Variants in UBFD1 observed in about 807,000 individuals in gnomAD.
UBFD1 encodes the protein ubiquitin family domain containing 1.
Under a neutral mutation model 35.1 loss-of-function variants are expected in UBFD1, and 12 were observed. The observed-to-expected ratio is 0.34, with a 90% CI of 0.22 to 0.55. The LOEUF is 0.55. UBFD1 is among the 20% of genes least tolerant of loss of function. UBFD1 has a pLI of 0.89. For synonymous variants in UBFD1, 178 were observed against 167.6 expected, an observed-to-expected ratio of 1.06 and a Z score of -0.48; for missense variants, 337 against 410.8, an observed-to-expected ratio of 0.82 and a Z score of 1.55.
At position 23,571,288 on chromosome 16, in the gene UBFD1, C is replaced by T. The variant is rs1316987975; in HGVS notation, c.*698C>T. 1 of 152,708 alleles carries T rather than the reference C, an allele frequency of 6.5e-6. No individual in the cohort carries two copies. The highest frequency in any genetic ancestry group is 1.5e-5 in the Non-Finnish European group (1 of 68,080). 9.5% of individuals were successfully genotyped at this position (152,708 alleles called of 1,614,324 possible). On this transcript the variant is annotated 3_prime_UTR_variant, in exon 7 of 7. Transcript: ENST00000395878. ...GCACGGTGGGAGAGGAAGAGCTGCT[C>T]AGTCTTGGGCAAGGAGCTCTCACAC...
chr16:23,572,845 A>AAAG lies in UBFD1; in HGVS notation c.*2255_*2256insAAG, dbSNP rs1966104417. 6.6e-6 allele frequency: 1 copy of AAAG among 152,294 alleles called. No individual in the cohort carries two copies. Among genetic ancestry groups the AAAG allele is most frequent in the Admixed American group, 6.5e-5 (1 of 15,272 alleles). The allele number at this position is 152,294 out of a possible 1,614,324, so 9.4% of individuals were successfully genotyped here. ...TACGGAGCTGTTTGAGTATTGCTTT[A>AAAG]CAGAGCTCACTAAATCAGCTTCAAC... On this transcript the variant is annotated 3_prime_UTR_variant, in exon 7 of 7. Transcript: ENST00000395878.
At chr16:23,561,464 C>T (rs1965932750) in intron 3 of UBFD1, among the ~76,000 whole-genome samples, 1 of 152,208 alleles carries the variant, frequency 6.6e-6, no homozygotes, top group Non-Finnish European at 1.5e-5. Context: ...TTAAGGGGCC[C>T]TGAACTTAGA....
In UBFD1 at chr16:23,573,749, C is replaced by T. The variant is rs1966117858; in HGVS notation, c.*3159C>T. The T allele has an allele frequency of 6.6e-6, 1 of 152,650 alleles. No homozygotes were observed. The highest frequency in any genetic ancestry group is 2.4e-5 in the African/African-American group (1 of 41,446). 9.5% of individuals were successfully genotyped at this position (152,650 alleles called of 1,614,324 possible). On this transcript the variant is annotated 3_prime_UTR_variant, in exon 7 of 7. Coordinates refer to ENST00000395878, the MANE Select transcript of UBFD1 (RefSeq NM_019116.3). ...TCACCCAGAAGGGGCTTGTTTTCCT[C>T]TTACTCTTACTTTAACCATGTGCCT... is the stretch of plus-strand genomic sequence containing the variant.
intron 6 of UBFD1, chr16:23,569,488 G>A (rs1391956759): frequency 6.6e-6 from 1 of 152,122 alleles, no homozygotes; most frequent in Non-Finnish European, 1.5e-5. Flanking sequence ...GTGGGAGGCG[G>A]AGGTTGCAGT....
intron 6 of UBFD1, among the ~76,000 whole-genome samples, chr16:23,568,157 CTTTTT>C (rs34119136): frequency 2.6e-5 from 3 of 114,618 alleles, no homozygotes; most frequent in South Asian, 3.1e-4. Flanking sequence ...TCTCTGTAGT[CTTTTT>C]TTTTTTTTTT....
rs1253823203 is a variant in UBFD1, at chr16:23,567,066, G to A, written c.816G>A (p.Met272Ile). ...EPIEGHEDYHMMAFQLGPTEA... is the reference protein window; with the variant it reads ...EPIEGHEDYHIMAFQLGPTEA... ...TCGAAGGACATGAAGACTACCACAT[G>A]ATGGTAAGTAGCGCTGGCTGAGTTC... is the stretch of plus-strand genomic sequence containing the variant. The change falls in exon 6 of 7, where the codon ATG (methionine) becomes ATA (isoleucine). Residue 272 changes from methionine (M) to isoleucine (I), a missense_variant. By Grantham distance (10) the Met-to-Ile change is conservative. This residue lies in a region of UBFD1 where 71 missense variants were observed against 149.6 expected (regional missense o/e 0.47). Coordinates refer to ENST00000395878, the MANE Select transcript of UBFD1 (RefSeq NM_019116.3). 1.2e-6 allele frequency: 2 copies of A among 1,613,944 alleles called. No individual in the cohort carries two copies. The highest frequency in any genetic ancestry group is 1.7e-6 in the Non-Finnish European group (2 of 1,180,000).
intron 5 of UBFD1, among the ~76,000 whole-genome samples, chr16:23,563,444 G>A (rs751552269): frequency 2.0e-5 from 3 of 151,814 alleles, no homozygotes; most frequent in Non-Finnish European, 4.4e-5. Context: ...CCTTCCCCCA[G>A]ATGGTTACAA....
At chr16:23,560,701 G>A (rs1410867081) in intron 3 of UBFD1, among the ~76,000 whole-genome samples, 1 of 152,130 alleles carries the variant, frequency 6.6e-6, no homozygotes, top group Non-Finnish European at 1.5e-5. Context: ...CCACAGAGAA[G>A]ATTGTTATGT....
At chr16:23,568,396 G>A (rs1003629315) in intron 6 of UBFD1, among the ~76,000 whole-genome samples, 18 of 151,318 alleles carry the variant, frequency 1.2e-4, no homozygotes, top group African/African-American at 3.4e-4. Flanking sequence ...TTGACCTGGC[G>A]ATCCGCCCAC....
At chr16:23,563,078 A>ATT (rs545287840) in intron 5 of UBFD1, among the ~76,000 whole-genome samples, 4 of 139,440 alleles carry the variant, frequency 2.9e-5, no homozygotes, top group African/African-American at 5.2e-5. Flanking sequence ...CACTAATCTG[A>ATT]TTTTTTTTTT....
intron 5 of UBFD1, among the ~76,000 whole-genome samples, chr16:23,563,339 C>G (rs1242462414): frequency 2.0e-5 from 3 of 152,088 alleles, no homozygotes; most frequent in Non-Finnish European, 2.9e-5. Context: ...CCCTCCCCGC[C>G]TGGTTGCCCT....
Position 23,567,083 on chromosome 16 carries a change from G to A in UBFD1, c.819+14G>A, listed in dbSNP as rs372532946. 5.0e-6 allele frequency: 8 copies of A among 1,612,912 alleles called. No homozygotes were observed. Among genetic ancestry groups the A allele is most frequent in the Admixed American group, 1.7e-5 (1 of 59,982 alleles). The stretch of plus-strand genomic sequence containing the variant: ...TACCACATGATGGTAAGTAGCGCTG[G>A]CTGAGTTCAGCCCCTCTCACTAGAC... On this transcript the variant is annotated intron_variant, in intron 6 of 6. Coordinates refer to ENST00000395878, the MANE Select transcript of UBFD1 (RefSeq NM_019116.3).
Position 23,573,292 on chromosome 16 carries a change from T to G in UBFD1, c.*2702T>G, listed in dbSNP as rs1429816849. On this transcript the variant is annotated 3_prime_UTR_variant, in exon 7 of 7. Transcript: ENST00000395878. ...GCTAGAGATGGAGGGGGTGGCCGTCTCTTAGACATTGGACACCTCTCAGAG... is the reference window on the plus strand; with the variant it reads ...GCTAGAGATGGAGGGGGTGGCCGTCGCTTAGACATTGGACACCTCTCAGAG... The G allele has an allele frequency of 6.6e-6, 1 of 152,196 alleles. No individual in the cohort carries two copies. Among genetic ancestry groups the G allele is most frequent in the East Asian group, 1.9e-4 (1 of 5,198 alleles). 9.4% of individuals were successfully genotyped at this position (152,196 alleles called of 1,614,324 possible).
In UBFD1 at chr16:23,559,601, A is replaced by G; in HGVS notation, c.489A>G (p.Val163=). ...VGSTINDVLA[V]NTPKDAAQQD... is the part of the protein sequence containing the mutation. ...CCACCATCAATGATGTTTTAGCAGT[A>G]AACACACCCAAAGATGCTGCGCAGC... The change falls in exon 3 of 7, where the codon GTA becomes GTG. Residue 163 remains valine, a synonymous_variant. Coordinates refer to ENST00000395878, the MANE Select transcript of UBFD1 (RefSeq NM_019116.3). 1 of 1,614,242 alleles carries G rather than the reference A, an allele frequency of 6.2e-7. No individual in the cohort carries two copies. The highest frequency in any genetic ancestry group is 8.5e-7 in the Non-Finnish European group (1 of 1,180,042).
rs758872738 is a variant in UBFD1 at position 23,558,120 on chromosome 16, G to A, written c.196G>A (p.Ala66Thr). ...PAPAQPPGDP[A>T]AQASVSNGED... ...CCCGGCCCAGCCCCCTGGGGACCCC[G>A]CAGCCCAGGCCTCGGTCAGCAACGG... The change falls in exon 2 of 7, where the codon GCA becomes ACA. Residue 66 changes from alanine (A) to threonine (T), a missense_variant. Around this residue, in one of 4 missense-constraint regions of UBFD1, gnomAD observed 198 missense variants for 168.4 expected, o/e 1.18. Coordinates refer to ENST00000395878, the MANE Select transcript of UBFD1 (RefSeq NM_019116.3). The A allele has an allele frequency of 7.6e-5, 121 of 1,589,918 alleles. No individual in the cohort carries two copies. Among genetic ancestry groups the A allele is most frequent in the Non-Finnish European group, 1.0e-4 (117 of 1,170,186 alleles).
rs1027635099 is a variant in UBFD1, at chr16:23,573,918, C to T, written c.*3328C>T. On this transcript the variant is annotated 3_prime_UTR_variant, in exon 7 of 7. Coordinates refer to ENST00000395878, the MANE Select transcript of UBFD1 (RefSeq NM_019116.3). Reference sequence around the variant, plus strand: ...ATCTGCTGAGGGAGCCCTCTCCTCTCGCTCCTTGCCTCTGTTCACACCTGT... The same window carrying T: ...ATCTGCTGAGGGAGCCCTCTCCTCTTGCTCCTTGCCTCTGTTCACACCTGT... 11 of 152,358 alleles carry T rather than the reference C, an allele frequency of 7.2e-5. No individual in the cohort carries two copies. The highest frequency in any genetic ancestry group is 2.1e-4 in the South Asian group (1 of 4,834). 9.4% of individuals were successfully genotyped at this position (152,358 alleles called of 1,614,324 possible).
chr16:23,562,602 T>C lies in UBFD1; in HGVS notation c.631-23T>C, dbSNP rs750212418. On this transcript the variant is annotated intron_variant, in intron 4 of 6. Coordinates refer to ENST00000395878, the MANE Select transcript of UBFD1 (RefSeq NM_019116.3). ...TTTTTTCTGACTGTCCCTCCATCTC[T>C]TACCATTCTCTCGTGCCTTCAGGAG... 9 of 1,609,786 alleles carry C rather than the reference T, an allele frequency of 5.6e-6. No homozygotes were observed. The African/African-American group carries it at 6.7e-5, about 12-fold the overall frequency.
At chr16:23,567,193 G>T in intron 6 of UBFD1, 124 bp downstream of exon 6, 1 of 847,752 alleles carries the variant, frequency 1.2e-6, no homozygotes, top group Non-Finnish European at 1.9e-6. Flanking sequence ...ACTTTTTTAA[G>T]ACCCTGATGT....
chr16:23,558,599 T>C (rs943685684), intron 2 of UBFD1, among the ~76,000 whole-genome samples: 4 of 152,196 alleles, frequency 2.6e-5, no homozygotes, highest in Admixed American at 2.0e-4. Flanking sequence ...CAGGAGATTC[T>C]GATTCAGTGG....
Sources: allele counts gnomAD v4.1 joint callset (sites outside exome capture counted in the v4.1 genomes callset), GRCh38; gene constraint gnomAD v4.1.1; regional missense constraint gnomAD v4.1.1; transcripts MANE v1.5; gene names NCBI Gene and HGNC (gene_info 2026-07-23, HGNC 2026-07-21).